MYO7A: variants seen among roughly 807,000 people sequenced by gnomAD.
The protein encoded by MYO7A is myosin VIIA, also known as unconventional myosin-VIIa.
MYO7A carries 210 observed loss-of-function variants against 263.8 expected under a neutral mutation model. That is an observed-to-expected ratio of 0.80 (90% confidence interval 0.71 to 0.89). The LOEUF is 0.89. Among genes scored for constraint, MYO7A ranks in the 40% least tolerant of loss-of-function variants. MYO7A has a pLI of 0.00. For synonymous variants in MYO7A, 1,239 were observed against 1,197.3 expected, an observed-to-expected ratio of 1.03 and a Z score of -0.72; for missense variants, 2,820 against 2,968.3, an observed-to-expected ratio of 0.95 and a Z score of 1.16.
chr11:77,137,521 G>A (rs1950951660), intron 2 of MYO7A, among the ~76,000 whole-genome samples: 1 of 152,180 alleles, frequency 6.6e-6, no homozygotes. Flanking sequence ...AAGGCGAGAA[G>A]GAGGGAATGG....
chr11:77,174,667 G>A, intron 16 of MYO7A, 89 bp from the exon 17 acceptor site: 1 of 1,417,676 alleles, frequency 7.1e-7, no homozygotes, highest in Non-Finnish European at 9.5e-7. Flanking sequence ...TGGCCTTTCT[G>A]AGCCTTTGTC....
chr11:77,153,322 G>A (rs1216942567), intron 4 of MYO7A, among the ~76,000 whole-genome samples: 1 of 152,124 alleles, frequency 6.6e-6, no homozygotes, highest in Non-Finnish European at 1.5e-5. Flanking sequence ...TGTTGGTCGA[G>A]TTGGGAAGGC....
intron 44 of MYO7A, 37 bp from the exon 45 acceptor site, chr11:77,211,115 G>A: frequency 1.3e-6 from 2 of 1,507,242 alleles, no homozygotes; most frequent in Admixed American, 2.0e-5. Context: ...CTTCTGCCAG[G>A]TCCCTGCACG....
Position 77,202,176 on chromosome 11 carries a change from T to A in MYO7A, c.5044-124T>A. The A allele has an allele frequency of 3.3e-6, 4 of 1,230,654 alleles. No individual in the cohort carries two copies. In the South Asian group the frequency reaches 5.5e-5, roughly 17 times the overall value. 76.2% of individuals were successfully genotyped at this position (1,230,654 alleles called of 1,614,324 possible). A position where few individuals can be genotyped will look rare whatever the true frequency, so the allele number is the denominator to read the frequency against. On this transcript the variant is annotated intron_variant, in intron 36 of 48. Transcript: ENST00000409709. ...AGGAACGGGGCTCCCAGGGTCAGAA[T>A]GGGGCATGGGGTCCATACCCCTGAA...
At position 77,213,865 on chromosome 11, in the gene MYO7A, C is replaced by A. The variant is rs994261939; in HGVS notation, c.6444C>A (p.Ile2148=). 6.2e-7 allele frequency: 1 copy of A among 1,614,058 alleles called. No homozygotes were observed. The highest frequency in any genetic ancestry group is 1.7e-5 in the Admixed American group (1 of 60,038). Residue 2148 remains isoleucine (I), a synonymous_variant, in exon 48 of 49, where the codon ATC becomes ATA. Transcript: ENST00000409709. ...VSLIDPKTKD[I]LTTHPFTKIS... ...TGCCCTTTCTGCTCCCCCAGGATAT[C>A]CTCACCACTCATCCCTTCACCAAGA...
intron 30 of MYO7A, among the ~76,000 whole-genome samples, chr11:77,191,463 G>A (rs1431186224): frequency 6.6e-6 from 1 of 152,258 alleles, no homozygotes; most frequent in Non-Finnish European, 1.5e-5. Context: ...AGGCTGATGG[G>A]AGGGCTGCGC....
chr11:77,212,349 G>A (rs1379067653), intron 46 of MYO7A: 1 of 367,232 alleles, frequency 2.7e-6, no homozygotes, highest in Non-Finnish European at 5.4e-6. Flanking sequence ...CAAAGGCCTG[G>A]AGGTGTGAGA....
intron 17 of MYO7A, 119 bp downstream of exon 17, chr11:77,175,033 G>A: frequency 1.5e-6 from 2 of 1,302,432 alleles, no homozygotes; most frequent in Non-Finnish European, 2.1e-6. Flanking sequence ...CCTCTCAGGT[G>A]CAGCACGGAA....
In MYO7A at chr11:77,205,580, G is replaced by T; in HGVS notation, c.5599G>T (p.Ala1867Ser). ...FLQSRKHCPL[A>S]IDCLQRLQKA... ...GCAGTCCCGAAAGCACTGCCCACTC[G>T]CCATCGACTGCCTGCAACGGCTCCA... is the stretch of plus-strand genomic sequence containing the variant. The change falls in exon 40 of 49, where the codon GCC becomes TCC. Residue 1867 changes from alanine to serine, a missense_variant. Transcript: ENST00000409709. 1 of 1,613,322 alleles carries T rather than the reference G, an allele frequency of 6.2e-7. No homozygotes were observed. Among genetic ancestry groups the T allele is most frequent in the Non-Finnish European group, 8.5e-7 (1 of 1,179,746 alleles).
At chr11:77,167,285 G>T (rs530770314) in intron 15 of MYO7A, among the ~76,000 whole-genome samples, 1 of 152,246 alleles carries the variant, frequency 6.6e-6, no homozygotes, top group South Asian at 2.1e-4. Flanking sequence ...GGACTCGAAC[G>T]CAGGTCTCCT....
intron 3 of MYO7A, among the ~76,000 whole-genome samples, chr11:77,146,710 G>T (rs1296691157): frequency 6.6e-6 from 1 of 152,114 alleles, no homozygotes; most frequent in Non-Finnish European, 1.5e-5. Context: ...GGCCTGAGCT[G>T]GGAGGTGGCA....
In MYO7A at chr11:77,130,594, T is replaced by C; in HGVS notation, c.-41T>C. The C allele has an allele frequency of 6.2e-7, 1 of 1,610,976 alleles. No individual in the cohort carries two copies. The highest frequency in any genetic ancestry group is 8.5e-7 in the Non-Finnish European group (1 of 1,178,536). ...CATGGTCTCTCTCCCTGCAGAACTG[T>C]GCCTGGCCCAGTGGGCAGCAGGAGC... is the stretch of plus-strand genomic sequence containing the variant. On this transcript the variant is annotated 5_prime_UTR_variant, in exon 2 of 49. Coordinates refer to ENST00000409709, the MANE Select transcript of MYO7A (RefSeq NM_000260.4).
rs1057518040 is a variant in MYO7A, at chr11:77,205,619, T to A, written c.5636+2T>A. Reference sequence around the variant, plus strand: ...GCAACGGCTCCAGAAAGCCCTGAGGTACAGCGGCCACCAGGGGCAGGGACA... The same window carrying A: ...GCAACGGCTCCAGAAAGCCCTGAGGAACAGCGGCCACCAGGGGCAGGGACA... On this transcript the variant is annotated splice_donor_variant, in intron 40 of 48. Transcript: ENST00000409709. LOFTEE classifies it high-confidence loss of function. 1 of 1,613,030 alleles carries A rather than the reference T, an allele frequency of 6.2e-7. No individual in the cohort carries two copies. The highest frequency in any genetic ancestry group is 1.3e-5 in the African/African-American group (1 of 74,876).
intron 30 of MYO7A, 87 bp from the exon 31 acceptor site, chr11:77,191,964 C>A (rs913616476): frequency 3.3e-6 from 4 of 1,227,062 alleles, no homozygotes; most frequent in Non-Finnish European, 4.6e-6. Context: ...CCTCCGTTTT[C>A]TGTCTGAACT....
intron 15 of MYO7A, 126 bp downstream of exon 15, chr11:77,166,288 T>C: frequency 1.2e-6 from 1 of 815,386 alleles, no homozygotes. Context: ...GGAGCTTTGC[T>C]GTGGCTCCAG....
intron 14 of MYO7A, among the ~76,000 whole-genome samples, chr11:77,163,522 T>C (rs1352444125): frequency 1.3e-5 from 2 of 152,248 alleles, no homozygotes; most frequent in African/African-American, 2.4e-5. Flanking sequence ...AGCATGTTCT[T>C]GTACTAAATA....
chr11:77,148,897 T>A (rs1005558465), intron 4 of MYO7A, among the ~76,000 whole-genome samples: 3 of 152,246 alleles, frequency 2.0e-5, no homozygotes, highest in Non-Finnish European at 4.4e-5. Context: ...CCAACTGGAT[T>A]CTCATCTCTG....
At chr11:77,129,339 C>T (rs1183872499) in intron 1 of MYO7A, among the ~76,000 whole-genome samples, 1 of 152,218 alleles carries the variant, frequency 6.6e-6, no homozygotes, top group Non-Finnish European at 1.5e-5. Context: ...TCCCAGAGCT[C>T]CAGGGCAGGG....
rs965791275 is a variant in MYO7A at position 77,147,838 on chromosome 11, C to T, written c.173C>T (p.Pro58Leu). 1.9e-6 allele frequency: 3 copies of T among 1,610,398 alleles called. No homozygotes were observed. Among genetic ancestry groups the T allele is most frequent in the South Asian group, 2.2e-5 (2 of 90,008 alleles). ...ISPQNATHIKPMHPTSVHGVE... is the reference protein window; with the variant it reads ...ISPQNATHIKLMHPTSVHGVE... ...CCGCAGAACGCAACGCACATCAAGCCTATGCACCCCACGTCGGTCCACGGC... is the reference window on the plus strand; with the variant it reads ...CCGCAGAACGCAACGCACATCAAGCTTATGCACCCCACGTCGGTCCACGGC... Residue 58 changes from proline (P) to leucine (L), a missense_variant, in exon 4 of 49, where the codon CCT becomes CTT. Physicochemically the swap from Pro to Leu is moderately conservative, Grantham distance 98 (BLOSUM62 -3). Transcript: ENST00000409709.
Sources: allele counts gnomAD v4.1 joint callset (sites outside exome capture counted in the v4.1 genomes callset), GRCh38; gene constraint gnomAD v4.1.1; transcripts MANE v1.5; gene names NCBI Gene and HGNC (gene_info 2026-07-23, HGNC 2026-07-21).